GJB7: variants seen among roughly 807,000 people sequenced by gnomAD.
The protein encoded by GJB7 is gap junction beta-7 protein.
For missense variants in GJB7, 253 were observed against 256.8 expected (o/e 0.99, Z 0.10); for synonymous variants, 87 against 95.2 (o/e 0.91, Z 0.50).
intron 2 of GJB7, among the ~76,000 whole-genome samples, chr6:87,294,241 T>A (rs1157530970): frequency 6.6e-6 from 1 of 152,232 alleles, no homozygotes; most frequent in Non-Finnish European, 1.5e-5. Flanking sequence ...TAGTTGCCTC[T>A]TCAGTGTGAA....
intron 2 of GJB7, chr6:87,298,867 G>A (rs944772888): frequency 2.6e-5 from 10 of 383,376 alleles, no homozygotes; most frequent in African/African-American, 2.1e-4. Flanking sequence ...AAAATTTGGT[G>A]CAGATTCCCA....
chr6:87,304,698 C>A (rs1739888), intron 2 of GJB7, among the ~76,000 whole-genome samples: 2 of 151,914 alleles, frequency 1.3e-5, no homozygotes, highest in Non-Finnish European at 2.9e-5. Context: ...ATCCTGATAC[C>A]AAAGCCTGGC....
chr6:87,300,044 C>T (rs1776298598), intron 2 of GJB7: 1 of 332,448 alleles, frequency 3.0e-6, no homozygotes, highest in East Asian at 5.8e-5. Flanking sequence ...GCTGTAAGAG[C>T]TGCTGTTGAA....
At chr6:87,305,509 G>T (rs1165558089) in intron 2 of GJB7, among the ~76,000 whole-genome samples, 1 of 152,126 alleles carries the variant, frequency 6.6e-6, no homozygotes, top group African/African-American at 2.4e-5. Context: ...ACAAACCACT[G>T]CTCAAGGAAA....
intron 2 of GJB7, among the ~76,000 whole-genome samples, chr6:87,293,608 C>A (rs1292846708): frequency 2.0e-5 from 3 of 152,148 alleles, no homozygotes; most frequent in Non-Finnish European, 2.9e-5. Context: ...ATTACTGGCA[C>A]TCACCAGACT....
chr6:87,305,949 G>T (rs1438129281), intron 2 of GJB7, among the ~76,000 whole-genome samples: 1 of 151,994 alleles, frequency 6.6e-6, no homozygotes, highest in African/African-American at 2.4e-5. Flanking sequence ...TTTAATAAAT[G>T]GTGCTGGGAA....
chr6:87,314,870 G>A (rs1562215806), intron 2 of GJB7, among the ~76,000 whole-genome samples: 1 of 152,138 alleles, frequency 6.6e-6, no homozygotes, highest in Admixed American at 6.5e-5. Flanking sequence ...GGGCATCCAC[G>A]CCTTCACAGA....
intron 1 of GJB7, among the ~76,000 whole-genome samples, chr6:87,326,234 T>G (rs552606994): frequency 2.4e-4 from 36 of 151,858 alleles, no homozygotes; most frequent in Non-Finnish European, 4.9e-4. Flanking sequence ...GATTCATTAA[T>G]TTTTTGAAGG....
At chr6:87,324,691 A>G (rs1184790373) in intron 1 of GJB7, among the ~76,000 whole-genome samples, 6 of 151,588 alleles carry the variant, frequency 4.0e-5, no homozygotes, top group Admixed American at 6.6e-5. Flanking sequence ...TATACTTTGA[A>G]GTCAGGTAGT....
At chr6:87,293,280 C>T (rs1040856691) in intron 2 of GJB7, among the ~76,000 whole-genome samples, 6 of 152,192 alleles carry the variant, frequency 3.9e-5, no homozygotes, top group Non-Finnish European at 8.8e-5. Flanking sequence ...CTGCCCGCCT[C>T]GGCCTCCCAA....
chr6:87,319,140 A>G (rs1776622908), intron 2 of GJB7, among the ~76,000 whole-genome samples: 1 of 152,202 alleles, frequency 6.6e-6, no homozygotes, highest in Non-Finnish European at 1.5e-5. Flanking sequence ...TCAAATACAA[A>G]ATCTCCTGGA....
intron 2 of GJB7, among the ~76,000 whole-genome samples, chr6:87,300,632 C>T (rs1776307320): frequency 6.6e-6 from 1 of 152,226 alleles, no homozygotes. Flanking sequence ...TGCCATTGTC[C>T]ATGCCTACAA....
chr6:87,317,161 C>G (rs1173483856), intron 2 of GJB7, among the ~76,000 whole-genome samples: 1 of 150,206 alleles, frequency 6.7e-6, no homozygotes, highest in Non-Finnish European at 1.5e-5. Context: ...TCAAGACCAG[C>G]CTGGCCAACA....
At chr6:87,328,111 C>A (rs1198102955) in intron 1 of GJB7, among the ~76,000 whole-genome samples, 5 of 152,320 alleles carry the variant, frequency 3.3e-5, no homozygotes, top group African/African-American at 1.2e-4. Flanking sequence ...TCCATCAGCT[C>A]CTTTAAGCAC....
rs149007228 is a variant in GJB7, at chr6:87,317,816, ACACTGAATGCAC to A, written c.-28+5038_-28+5049del. ...CCTGGTGCCCAGGAAAGCATGTGGC[ACACTGAATGCAC>A]CAAAAATTTTCCTGCTAACCTGAGC... On this transcript the variant is annotated intron_variant, in intron 2 of 2. Transcript: ENST00000525899. Among the ~76,000 whole-genome samples the A allele has an allele frequency of 4.3e-3, 649 of 152,316 alleles. 5 individuals carry two copies. The highest frequency in any genetic ancestry group is 0.017 in the Middle Eastern group (5 of 294).
At chr6:87,328,102 C>A (rs1349699398) in intron 1 of GJB7, among the ~76,000 whole-genome samples, 1 of 152,208 alleles carries the variant, frequency 6.6e-6, no homozygotes, top group Non-Finnish European at 1.5e-5. Flanking sequence ...GTTTTCAGCT[C>A]CATCAGCTCC....
At chr6:87,322,752 G>C (rs1776699763) in intron 2 of GJB7, 114 bp downstream of exon 2, 1 of 152,216 alleles carries the variant, frequency 6.6e-6, no homozygotes, top group Non-Finnish European at 1.5e-5. Context: ...TCCCTCCCAG[G>C]GAGGGAGCGT....
rs1199553996 is a variant in GJB7 at position 87,321,621 on chromosome 6, T to G, written c.-28+1245A>C. On this transcript the variant is annotated intron_variant, in intron 2 of 2. Coordinates refer to ENST00000525899, the MANE Select transcript of GJB7 (RefSeq NM_198568.3). ...GACAGAGGTCCATTCCTTTCAGGGG[T>G]GGGTTGGTGATGGTGGTGCTTAGAA... 2.0e-5 allele frequency among the ~76,000 whole-genome samples: 3 copies of G among 151,722 alleles called. No homozygotes were observed. The East Asian group carries it at 5.8e-4, about 29-fold the overall frequency.
At chr6:87,322,624 C>G (rs897723764) in intron 2 of GJB7, 2 of 152,326 alleles carry the variant, frequency 1.3e-5, no homozygotes. Context: ...GGAGGTGACC[C>G]CGCGAAAGGT....
Sources: gnomAD v4.1 joint callset for allele counts (sites outside exome capture counted in the v4.1 genomes callset) on GRCh38, gnomAD v4.1.1 for gene constraint, MANE v1.5 for transcripts, NCBI Gene and HGNC (gene_info 2026-07-23, HGNC 2026-07-21) for gene names.